The following C11orf97 variants were observed in gnomAD, a reference collection of about 807,000 sequenced individuals.
The protein encoded by C11orf97 is chromosome 11 open reading frame 97.
A neutral mutation model predicts 16.2 loss-of-function variants in C11orf97; 15 were observed. The observed-to-expected ratio is 0.93, with a 90% confidence interval of 0.62 to 1.43. The LOEUF (loss-of-function observed/expected upper bound fraction) is 1.43. Among genes scored for constraint, C11orf97 ranks in the 40% most tolerant of loss-of-function variants. The pLI is 0.00. For synonymous variants in C11orf97, 61 were observed against 65.7 expected (o/e 0.93, Z 0.34); for missense variants, 171 against 161.2 (o/e 1.06, Z -0.33).
chr11:94,520,645 G>C (rs1188458699), intron 2 of C11orf97, among the ~76,000 whole-genome samples: 1 of 152,062 alleles, frequency 6.6e-6, no homozygotes, highest in Admixed American at 6.6e-5. Context: ...TCATGAGATG[G>C]TACCACCAAA....
At chr11:94,524,191 A>G (rs1947681323) in intron 2 of C11orf97, among the ~76,000 whole-genome samples, 1 of 152,198 alleles carries the variant, frequency 6.6e-6, no homozygotes, top group Admixed American at 6.5e-5. Context: ...AATTCTTGCA[A>G]TAACCCAGTG....
At position 94,527,607 on chromosome 11, in the gene C11orf97, G is replaced by T. The variant is rs531753141; in HGVS notation, c.251-477G>T. Among the ~76,000 whole-genome samples, 27 of 152,254 alleles carry T rather than the reference G, an allele frequency of 1.8e-4. No homozygotes were observed. In the South Asian group the frequency reaches 4.8e-3, roughly 27 times the overall value. On this transcript the variant is annotated intron_variant, in intron 2 of 3. Transcript: ENST00000542198. ...AGTTTATTGTTGCTCTTTTTCAGAG[G>T]GAGATTAAACAGCATCTAGTTTGTG...
chr11:94,513,477 C>T (rs976104528), intron 1 of C11orf97, among the ~76,000 whole-genome samples: 5 of 152,230 alleles, frequency 3.3e-5, no homozygotes, highest in Admixed American at 2.0e-4. Context: ...TAGTTTCCAG[C>T]CTTCCTGCAG....
At chr11:94,530,016 T>C (rs2135186653) in intron 3 of C11orf97, among the ~76,000 whole-genome samples, 1 of 152,350 alleles carries the variant, frequency 6.6e-6, no homozygotes, top group East Asian at 1.9e-4. Flanking sequence ...GTTTTCTGCG[T>C]GCATATTATG....
At chr11:94,515,537 TTC>T (rs895067495) in intron 1 of C11orf97, among the ~76,000 whole-genome samples, 3 of 152,038 alleles carry the variant, frequency 2.0e-5, no homozygotes, top group African/African-American at 7.2e-5. Flanking sequence ...CCTTCCTTCT[TTC>T]TTTTTTAAAT....
intron 1 of C11orf97, among the ~76,000 whole-genome samples, chr11:94,513,662 T>C (rs1485803093): frequency 6.6e-6 from 1 of 152,154 alleles, no homozygotes; most frequent in Non-Finnish European, 1.5e-5. Context: ...TGCCTCCTGG[T>C]GAAAGGGGCC....
intron 3 of C11orf97, among the ~76,000 whole-genome samples, chr11:94,531,682 C>T (rs1380776001): frequency 6.6e-6 from 1 of 152,090 alleles, no homozygotes; most frequent in Non-Finnish European, 1.5e-5. Flanking sequence ...CCAGGTGATG[C>T]TGATGCTGCT....
intron 3 of C11orf97, 89 bp downstream of exon 3, chr11:94,528,298 C>G: frequency 8.3e-7 from 1 of 1,202,196 alleles, no homozygotes. Context: ...GTTTAAAGAT[C>G]TCAATCAAAA....
At position 94,512,505 on chromosome 11, in the gene C11orf97, G is replaced by A. The variant is rs921441758; in HGVS notation, c.-24G>A. 1.6e-6 allele frequency: 2 copies of A among 1,280,170 alleles called. No individual in the cohort carries two copies. The highest frequency in any genetic ancestry group is 1.5e-5 in the African/African-American group (1 of 64,904). The allele number at this position is 1,280,170 out of a possible 1,614,324, so 79.3% of individuals were successfully genotyped here. ...TGAGCTGAGAAGGAAACCGTGCCCA[G>A]GGCTCTCGGAAGACCGCTGCGGCAT... On this transcript the variant is annotated 5_prime_UTR_variant, in exon 1 of 4. Transcript: ENST00000542198.
intron 1 of C11orf97, 41 bp from the exon 2 acceptor site, chr11:94,517,542 G>GTTTTT (rs1212943993): frequency 3.2e-6 from 4 of 1,239,992 alleles, no homozygotes; most frequent in Middle Eastern, 1.9e-4. Flanking sequence ...AGATTGGGCA[G>GTTTTT]TATTTATACT....
At chr11:94,526,040 C>G (rs922900039) in intron 2 of C11orf97, among the ~76,000 whole-genome samples, 4 of 152,196 alleles carry the variant, frequency 2.6e-5, no homozygotes. Context: ...TTTCTTCTAG[C>G]TTCTCCCCTT....
chr11:94,526,393 C>A lies in C11orf97; in HGVS notation c.251-1691C>A, dbSNP rs534367742. Reference sequence around the variant, plus strand: ...TGAGAGTTTCAGATGCATTTCTGGGCATCTGCATTTATATTTCAGGTGTTT... The same window carrying A: ...TGAGAGTTTCAGATGCATTTCTGGGAATCTGCATTTATATTTCAGGTGTTT... On this transcript the variant is annotated intron_variant, in intron 2 of 3. Transcript: ENST00000542198. Among the ~76,000 whole-genome samples the A allele has an allele frequency of 5.3e-5, 8 of 152,280 alleles. No individual in the cohort carries two copies. The South Asian group carries it at 1.7e-3, about 32-fold the overall frequency.
At chr11:94,517,542 GTA>G (rs1278867505) in intron 1 of C11orf97, 39 bp from the exon 2 acceptor site, 1 of 1,239,874 alleles carries the variant, frequency 8.1e-7, no homozygotes, top group East Asian at 2.6e-5. Context: ...AGATTGGGCA[GTA>G]TTTATACTAA....
chr11:94,521,636 C>T lies in C11orf97; in HGVS notation c.250+3949C>T, dbSNP rs1016561619. The stretch of plus-strand genomic sequence containing the variant: ...ATTGGCTATCTCTCCCACTAGAACA[C>T]AAGCTATCTGAGGATAGGGGCTTAA... On this transcript the variant is annotated intron_variant, in intron 2 of 3. Coordinates refer to ENST00000542198, the MANE Select transcript of C11orf97 (RefSeq NM_001190462.2). Among the ~76,000 whole-genome samples the T allele has an allele frequency of 3.9e-5, 6 of 152,328 alleles. No homozygotes were observed. In the South Asian group the frequency reaches 1.2e-3, roughly 32 times the overall value.
intron 2 of C11orf97, among the ~76,000 whole-genome samples, chr11:94,518,379 C>A (rs1947630830): frequency 6.7e-6 from 1 of 150,070 alleles, no homozygotes; most frequent in Non-Finnish European, 1.5e-5. Context: ...CTGAGCCCTA[C>A]CCCTAGCATA....
rs757527319 is a variant in C11orf97, at chr11:94,521,365, G to A, written c.250+3678G>A. On this transcript the variant is annotated intron_variant, in intron 2 of 3. Coordinates refer to ENST00000542198, the MANE Select transcript of C11orf97 (RefSeq NM_001190462.2). ...AATGCTGCTCTTTTCCTGGGCTAGC[G>A]ATCTGCCTTATGATTCTCCTTTGCA... Among the ~76,000 whole-genome samples the A allele has an allele frequency of 3.9e-5, 6 of 152,214 alleles. No individual in the cohort carries two copies. The South Asian group carries it at 6.2e-4, about 16-fold the overall frequency.
intron 2 of C11orf97, 108 bp downstream of exon 2, chr11:94,517,795 G>A: frequency 1.3e-6 from 1 of 747,888 alleles, no homozygotes; most frequent in Non-Finnish European, 2.0e-6. Flanking sequence ...AAAAGTTTTT[G>A]GAAAGTTCTT....
intron 2 of C11orf97, among the ~76,000 whole-genome samples, chr11:94,521,670 A>G (rs530002643): frequency 6.6e-6 from 1 of 152,306 alleles, no homozygotes; most frequent in African/African-American, 2.4e-5. Flanking sequence ...AATTTTGCTT[A>G]CCCCAAATCC....
chr11:94,523,785 G>C (rs1009289965), intron 2 of C11orf97, among the ~76,000 whole-genome samples: 1 of 152,176 alleles, frequency 6.6e-6, no homozygotes, highest in Non-Finnish European at 1.5e-5. Context: ...TTCAGACTGG[G>C]GCTCTTATCT....
Sources: gnomAD v4.1 joint callset for allele counts (sites outside exome capture counted in the v4.1 genomes callset) on GRCh38, gnomAD v4.1.1 for gene constraint, MANE v1.5 for transcripts, NCBI Gene and HGNC (gene_info 2026-07-23, HGNC 2026-07-21) for gene names.